The following PCDHGA2 variants were observed in gnomAD, a reference collection of about 807,000 sequenced individuals.
The protein encoded by PCDHGA2 is protocadherin gamma-A2.
A neutral mutation model predicts 59.2 loss-of-function variants in PCDHGA2; 40 were observed. That is an observed-to-expected ratio of 0.68 (90% CI 0.52 to 0.88). PCDHGA2 has a LOEUF of 0.88. PCDHGA2 is among the 40% of genes least tolerant of loss of function. PCDHGA2 has a pLI of 0.00. For synonymous variants in PCDHGA2, 560 were observed against 526.0 expected (o/e 1.06, Z -0.89); for missense variants, 1,226 against 1,204.0 (o/e 1.02, Z -0.27).
intron 1 of PCDHGA2, among the ~76,000 whole-genome samples, chr5:141,451,430 T>C (rs1441183396): frequency 2.0e-5 from 3 of 152,240 alleles, no homozygotes; most frequent in Non-Finnish European, 4.4e-5. Context: ...AGACTAAGGG[T>C]TCCAGTTCCT....
intron 2 of PCDHGA2, among the ~76,000 whole-genome samples, chr5:141,497,264 A>G (rs2154592078): frequency 6.6e-6 from 1 of 152,258 alleles, no homozygotes; most frequent in East Asian, 1.9e-4. Flanking sequence ...GAGAAGTTCT[A>G]GGCCATTTAT....
intron 1 of PCDHGA2, chr5:141,394,595 G>A: frequency 6.2e-7 from 1 of 1,613,740 alleles, no homozygotes; most frequent in Non-Finnish European, 8.5e-7. Flanking sequence ...TGGTGGCGGT[G>A]GACAGAGACT....
chr5:141,390,479 T>C lies in PCDHGA2; in HGVS notation c.2424+49084T>C, dbSNP rs143576019. On this transcript the variant is annotated intron_variant, in intron 1 of 3. Coordinates refer to ENST00000394576, the MANE Select transcript of PCDHGA2 (RefSeq NM_018915.4). Reference sequence around the variant, plus strand: ...GTAGGAGCAATTGTGTGGCCCAACATTTGTTTGTTTTTTAGCCAAGCTTAG... The same window carrying C: ...GTAGGAGCAATTGTGTGGCCCAACACTTGTTTGTTTTTTAGCCAAGCTTAG... 1.6e-3 allele frequency: 1,064 copies of C among 668,890 alleles called. 6 individuals are homozygous for C. The highest frequency in any genetic ancestry group is 0.016 in the African/African-American group (871 of 55,142). The allele number at this position is 668,890 out of a possible 1,614,324, so 41.4% of individuals were successfully genotyped here.
chr5:141,496,876 A>G (rs964149656), intron 2 of PCDHGA2, among the ~76,000 whole-genome samples: 1 of 149,154 alleles, frequency 6.7e-6, no homozygotes, highest in African/African-American at 2.5e-5. Flanking sequence ...AAAATTTGCA[A>G]CAAGTAACAC....
At chr5:141,435,954 G>A (rs1163590812) in intron 1 of PCDHGA2, among the ~76,000 whole-genome samples, 2 of 152,092 alleles carry the variant, frequency 1.3e-5, no homozygotes, top group African/African-American at 2.4e-5. Flanking sequence ...AAAAAAGGGG[G>A]CAAAATATAG....
chr5:141,505,283 G>A, intron 2 of PCDHGA2, 110 bp from the exon 3 acceptor site: 5 of 1,547,446 alleles, frequency 3.2e-6, no homozygotes, highest in Non-Finnish European at 3.5e-6. Flanking sequence ...ACAGGTCTTG[G>A]GCATGGGGTA....
intron 2 of PCDHGA2, among the ~76,000 whole-genome samples, chr5:141,499,496 T>C (rs1167360015): frequency 6.6e-6 from 1 of 152,182 alleles, no homozygotes; most frequent in East Asian, 1.9e-4. Flanking sequence ...CAGTTTAATA[T>C]GAAACATTTC....
At position 141,490,162 on chromosome 5, in the gene PCDHGA2, A is replaced by G. The variant is rs1371128858; in HGVS notation, c.2425-4645A>G. The G allele has an allele frequency of 1.2e-6, 2 of 1,614,218 alleles. No individual in the cohort carries two copies. The highest frequency in any genetic ancestry group is 1.7e-6 in the Non-Finnish European group (2 of 1,180,028). ...TGGGGCAATCCATGTGTTGGGTCCCATAGACTTTGAGGAGTCACGTTTCTA... is the reference window on the plus strand; with the variant it reads ...TGGGGCAATCCATGTGTTGGGTCCCGTAGACTTTGAGGAGTCACGTTTCTA... On this transcript the variant is annotated intron_variant, in intron 1 of 3. Transcript: ENST00000394576. This position sits in a 1 kb window ranked among gnomAD's most constrained non-coding sequence, Gnocchi z 5.4.
chr5:141,450,489 CTGTT>C (rs1372781820), intron 1 of PCDHGA2, among the ~76,000 whole-genome samples: 4 of 150,280 alleles, frequency 2.7e-5, no homozygotes, highest in Non-Finnish European at 2.9e-5. Context: ...GTTTGTTTGT[CTGTT>C]TGTTTGTTTT....
Position 141,400,778 on chromosome 5 carries a change from T to A in PCDHGA2, c.2424+59383T>A, listed in dbSNP as rs1589424490. ...TCTCTAGCAAAAACATTTGGTGCGT[T>A]TTTTTGTCCTCTTTCTCAAAGCTAA... On this transcript the variant is annotated intron_variant, in intron 1 of 3. Coordinates refer to ENST00000394576, the MANE Select transcript of PCDHGA2 (RefSeq NM_018915.4). 6 of 568,120 alleles carry A rather than the reference T, an allele frequency of 1.1e-5. No individual in the cohort carries two copies. The East Asian group carries it at 1.7e-4, about 16-fold the overall frequency. 35.2% of individuals were successfully genotyped at this position (568,120 alleles called of 1,614,324 possible).
At chr5:141,372,535 G>A in intron 1 of PCDHGA2, 2 of 1,613,924 alleles carry the variant, frequency 1.2e-6, no homozygotes, top group Non-Finnish European at 1.7e-6. Flanking sequence ...ATCTCCCTGC[G>A]CCTGCGATGC....
rs754178145 is a variant in PCDHGA2 at position 141,489,423 on chromosome 5, C to G, written c.2425-5384C>G. On this transcript the variant is annotated intron_variant, in intron 1 of 3. Transcript: ENST00000394576. The surrounding 1 kb of genome is among the most constrained non-coding windows in gnomAD (Gnocchi z 4.5). ...GCTTAAAGATGACAGATCTGTTGAG[C>G]CGGCGGCTGCAATTGGGCTCTGAGG... 3 of 1,614,098 alleles carry G rather than the reference C, an allele frequency of 1.9e-6. No individual in the cohort carries two copies. The highest frequency in any genetic ancestry group is 1.7e-5 in the Admixed American group (1 of 60,020).
Position 141,476,263 on chromosome 5 carries a change from C to G in PCDHGA2, c.2425-18544C>G. 13 of 1,613,940 alleles carry G rather than the reference C, an allele frequency of 8.1e-6. No individual in the cohort carries two copies. Among genetic ancestry groups the G allele is most frequent in the Non-Finnish European group, 1.1e-5 (13 of 1,180,010 alleles). On this transcript the variant is annotated intron_variant, in intron 1 of 3. Transcript: ENST00000394576. This position sits in a 1 kb window ranked among gnomAD's most constrained non-coding sequence, Gnocchi z 7.6. ...GAGAGAAGGGTTTCGCTGTGGGCAA[C>G]GTGGTCGCGAACCTTGGTTTGGATC...
intron 1 of PCDHGA2, chr5:141,379,021 G>A (rs1199097625): frequency 6.6e-6 from 1 of 152,192 alleles, no homozygotes; most frequent in Admixed American, 6.5e-5. Context: ...TCATGAGTTG[G>A]AAGATTCTAC....
At chr5:141,355,077 C>T in intron 1 of PCDHGA2, 2 of 1,404,062 alleles carry the variant, frequency 1.4e-6, no homozygotes, top group South Asian at 3.0e-5. Flanking sequence ...ATGAAAGCTT[C>T]AAGCGGAAGC....
At chr5:141,356,628 T>G (rs570306240) in intron 1 of PCDHGA2, 1 of 1,614,104 alleles carries the variant, frequency 6.2e-7, no homozygotes, top group African/African-American at 1.3e-5. Context: ...CTATGACTGC[T>G]CAAGACCCTG....
chr5:141,349,641 T>A lies in PCDHGA2; in HGVS notation c.2424+8246T>A, dbSNP rs568995051. ...AATTGATAACATATATATGGAGAGA[T>A]TTAAAATACTAGATAAGGGAGCTTA... On this transcript the variant is annotated intron_variant, in intron 1 of 3. Coordinates refer to ENST00000394576, the MANE Select transcript of PCDHGA2 (RefSeq NM_018915.4). Among the ~76,000 whole-genome samples the A allele has an allele frequency of 1.2e-3, 182 of 152,228 alleles. 1 individual carries two copies. The highest frequency in any genetic ancestry group is 4.2e-3 in the African/African-American group (173 of 41,548).
chr5:141,369,491 AC>A lies in PCDHGA2; in HGVS notation c.2424+28100del, dbSNP rs569923210. Among the ~76,000 whole-genome samples, 212 of 152,086 alleles carry A rather than the reference AC, an allele frequency of 1.4e-3. 1 individual carries two copies. Among genetic ancestry groups the A allele is most frequent in the African/African-American group, 4.8e-3 (199 of 41,476 alleles). On this transcript the variant is annotated intron_variant, in intron 1 of 3. Coordinates refer to ENST00000394576, the MANE Select transcript of PCDHGA2 (RefSeq NM_018915.4). ...AGCCCAGCCTGGGCAACATAGTGAA[AC>A]CCCACCTCTATAGAAAAAAAAAGTT...
chr5:141,409,033 A>T, intron 1 of PCDHGA2: 1 of 1,614,028 alleles, frequency 6.2e-7, no homozygotes, highest in Non-Finnish European at 8.5e-7. Context: ...ATGCTGAGAT[A>T]AACTACTACT....
Sources: allele counts gnomAD v4.1 joint callset (sites outside exome capture counted in the v4.1 genomes callset), GRCh38; gene constraint gnomAD v4.1.1; non-coding constraint Gnocchi (gnomAD v3.1); transcripts MANE v1.5; gene names NCBI Gene and HGNC (gene_info 2026-07-23, HGNC 2026-07-21).